SART1: variants seen among roughly 807,000 people sequenced by gnomAD.
SART1 encodes the protein U4/U6.U5 tri-snRNP-associated protein 1.
Under a neutral mutation model 105.0 loss-of-function variants are expected in SART1, and 28 were observed. The observed-to-expected ratio is 0.27, with a 90% confidence interval of 0.20 to 0.37. The LOEUF is 0.37. Among genes scored for constraint, SART1 ranks in the 10% least tolerant of loss-of-function variants. The probability of loss-of-function intolerance (pLI) is 1.00; values close to 1 mark genes in which losing one functional copy is unlikely to be tolerated. For missense variants in SART1, 894 were observed against 1,106.5 expected, an observed-to-expected ratio of 0.81 and a Z score of 2.72; for synonymous variants, 472 against 462.9, an observed-to-expected ratio of 1.02 and a Z score of -0.25.
At chr11:65,975,632 CG>C (rs1247281429) in intron 12 of SART1, among the ~76,000 whole-genome samples, 1 of 151,762 alleles carries the variant, frequency 6.6e-6, no homozygotes, top group African/African-American at 2.4e-5. Context: ...TCTCGATCTC[CG>C]GAACTCAAGC....
chr11:65,966,263 G>A (rs1460408340), intron 8 of SART1, 45 bp downstream of exon 8: 1 of 1,613,696 alleles, frequency 6.2e-7, no homozygotes, highest in Non-Finnish European at 8.5e-7. Flanking sequence ...GGTGGAGAAT[G>A]TCGGGAATGG....
Position 65,966,763 on chromosome 11 carries a change from G to A in SART1, c.1188+207G>A, listed in dbSNP as rs573265472. 4.4e-4 allele frequency among the ~76,000 whole-genome samples: 67 copies of A among 152,302 alleles called. No homozygotes were observed. In the Middle Eastern group the frequency reaches 0.014, roughly 31 times the overall value. ...AGCCAGATGGGCCCCAGTCTGTTTC[G>A]GCTCTGCCATGCTGCCAGCTCGTGC... On this transcript the variant is annotated intron_variant, in intron 9 of 19. Coordinates refer to ENST00000312397, the MANE Select transcript of SART1 (RefSeq NM_005146.5).
Position 65,979,036 on chromosome 11 carries a change from C to G in SART1, c.*6C>G. The G allele has an allele frequency of 6.2e-7, 1 of 1,614,124 alleles. No homozygotes were observed. ...GGAACACCATCACCAAGTGACAGCG[C>G]CCTCCCGCCCCGGCCCTGCCTCAAC... On this transcript the variant is annotated 3_prime_UTR_variant, in exon 20 of 20. Transcript: ENST00000312397.
At chr11:65,963,915 T>A in intron 1 of SART1, 159 bp from the exon 2 acceptor site, 1 of 639,928 alleles carries the variant, frequency 1.6e-6, no homozygotes, top group Non-Finnish European at 2.8e-6. Context: ...GCAGAGGAGC[T>A]GCTGGGGAGC....
Position 65,976,400 on chromosome 11 carries a change from G to T in SART1, c.1578G>T (p.Val526=). ...QQLRDSGEKV[V]EIVKKLESRQ... ...ACAGCCGCTCCCTCCCCCAGGTGGTGGAGATTGTGAAGAAGCTGGAGTCTC... is the reference window on the plus strand; with the variant it reads ...ACAGCCGCTCCCTCCCCCAGGTGGTTGAGATTGTGAAGAAGCTGGAGTCTC... Residue 526 remains valine, a synonymous_variant, in exon 13 of 20, where the codon GTG becomes GTT. Transcript: ENST00000312397. This position sits in a 1 kb window ranked among gnomAD's most constrained non-coding sequence, Gnocchi z 5.1. 6.5e-7 allele frequency: 1 copy of T among 1,544,146 alleles called. No homozygotes were observed. The highest frequency in any genetic ancestry group is 8.7e-7 in the Non-Finnish European group (1 of 1,149,220).
In SART1 at chr11:65,965,059, G is replaced by A. The variant is rs370201584; in HGVS notation, c.428-33G>A. 1,203 of 1,544,122 alleles carry A rather than the reference G, an allele frequency of 7.8e-4. 4 individuals carry two copies. The highest frequency in any genetic ancestry group is 1.4e-3 in the Admixed American group (63 of 45,380). On this transcript the variant is annotated intron_variant, in intron 3 of 19. Coordinates refer to ENST00000312397, the MANE Select transcript of SART1 (RefSeq NM_005146.5). The stretch of plus-strand genomic sequence containing the variant: ...CCTCCTCTCCCCACCAGCCATGGGC[G>A]GGCATAGCCTCACGTCTGGGCCCCC...
chr11:65,976,905 G>T lies in SART1; in HGVS notation c.1858-109G>T, dbSNP rs1228468632. The T allele has an allele frequency of 4.3e-6, 5 of 1,155,038 alleles. No individual in the cohort carries two copies. The Admixed American group carries it at 9.6e-5, about 22-fold the overall frequency. The allele number at this position is 1,155,038 out of a possible 1,614,324, so 71.5% of individuals were successfully genotyped here. ...TCCCAGGGCGATCTGAGGAGTAAAT[G>T]AGGAAATTAAATGTTGTGGAGGGCT... is the stretch of plus-strand genomic sequence containing the variant. On this transcript the variant is annotated intron_variant, in intron 14 of 19. Transcript: ENST00000312397. This position sits in a 1 kb window ranked among gnomAD's most constrained non-coding sequence, Gnocchi z 5.1.
Position 65,966,548 on chromosome 11 carries a change from G to A in SART1, c.1180G>A (p.Glu394Lys), listed in dbSNP as rs1350109178. The change falls in exon 9 of 20, where the codon GAG becomes AAG. Residue 394 changes from glutamate (E) to lysine (K), a missense_variant. Physicochemically the swap from Glu to Lys is moderately conservative, Grantham distance 56. Around this residue, in one of 2 missense-constraint regions of SART1, gnomAD observed 712 missense variants for 778.2 expected, o/e 0.91. Transcript: ENST00000312397. ...PRLASEYLTP[E>K]EMVTFKKTKR... The stretch of plus-strand genomic sequence containing the variant: ...GCTGGCCTCCGAATACCTCACGCCT[G>A]AGGAGATGGTGAGCCCTCCCGTGCC... 6.5e-7 allele frequency: 1 copy of A among 1,527,644 alleles called. No individual in the cohort carries two copies. The highest frequency in any genetic ancestry group is 2.3e-5 in the East Asian group (1 of 43,852). 94.6% of individuals were successfully genotyped at this position (1,527,644 alleles called of 1,614,324 possible).
rs1334837958 is a variant in SART1, at chr11:65,966,610, C to T, written c.1188+54C>T. On this transcript the variant is annotated intron_variant, in intron 9 of 19. Coordinates refer to ENST00000312397, the MANE Select transcript of SART1 (RefSeq NM_005146.5). ...GTCAAGATTCTCCCTCCCTCTGGGG[C>T]TCCTGCCCTGCCCGCAGGCACTGAG... is the stretch of plus-strand genomic sequence containing the variant. 3 of 1,431,510 alleles carry T rather than the reference C, an allele frequency of 2.1e-6. No individual in the cohort carries two copies. In the African/African-American group the frequency reaches 4.3e-5, roughly 21 times the overall value. 88.7% of individuals were successfully genotyped at this position (1,431,510 alleles called of 1,614,324 possible).
At position 65,965,196 on chromosome 11, in the gene SART1, C is replaced by T. The variant is rs751037056; in HGVS notation, c.532C>T (p.Arg178Cys). 1.2e-6 allele frequency: 2 copies of T among 1,607,096 alleles called. No homozygotes were observed. Among genetic ancestry groups the T allele is most frequent in the African/African-American group, 1.3e-5 (1 of 74,352 alleles). Reference protein sequence around the residue: ...REKLAAAKEKRLLNQKLGKIK... With the variant: ...REKLAAAKEKCLLNQKLGKIK... ...GAAGCTGGCGGCTGCCAAGGAGAAG[C>T]GCCTGCTGAACCAAAAGCTGGGGTG... Residue 178 changes from arginine (R) to cysteine (C), a missense_variant, in exon 4 of 20, where the codon CGC becomes TGC. By Grantham distance (180) the Arg-to-Cys change is radical (BLOSUM62 -3). This residue lies in a region of SART1 where 712 missense variants were observed against 778.2 expected (regional missense o/e 0.91). Coordinates refer to ENST00000312397, the MANE Select transcript of SART1 (RefSeq NM_005146.5).
chr11:65,972,445 C>T (rs754213674), intron 12 of SART1, among the ~76,000 whole-genome samples: 11 of 152,074 alleles, frequency 7.2e-5, no homozygotes, highest in Non-Finnish European at 1.2e-4. Flanking sequence ...CTTCACATTT[C>T]GGAATCAAAT....
In SART1 at chr11:65,966,339, T is replaced by C. The variant is rs1393392762; in HGVS notation, c.982-11T>C. The C allele has an allele frequency of 6.2e-7, 1 of 1,614,014 alleles. No homozygotes were observed. Among genetic ancestry groups the C allele is most frequent in the Non-Finnish European group, 8.5e-7 (1 of 1,180,020 alleles). On this transcript the variant is annotated splice_polypyrimidine_tract_variant and intron_variant, in intron 8 of 19. Transcript: ENST00000312397. ...CAGCCTGGGTCCCAACCTGTACCTC[T>C]TGCCTTGCAGCAAAAACCTCGCTCT...
chr11:65,974,655 G>T (rs1272709323), intron 12 of SART1, among the ~76,000 whole-genome samples: 3 of 152,116 alleles, frequency 2.0e-5, no homozygotes, highest in Non-Finnish European at 4.4e-5. Flanking sequence ...CTCCAGCATG[G>T]GTGATAGAGT....
chr11:65,978,843 G>A lies in SART1; in HGVS notation c.2313G>A (p.Leu771=). The change falls in exon 19 of 20, where the codon CTG becomes CTA. Residue 771 remains leucine (L), a synonymous_variant. Coordinates refer to ENST00000312397, the MANE Select transcript of SART1 (RefSeq NM_005146.5). The surrounding 1 kb of genome is among the most constrained non-coding windows in gnomAD (Gnocchi z 6.8). ...SSDTPLGTVA[L]LQEKQKAQKT... is the part of the protein sequence containing the mutation. ...ACACGCCCCTGGGCACCGTGGCCCTGCTCCAGGAGAAGCAGAAGGCTCAGA... is the reference window on the plus strand; with the variant it reads ...ACACGCCCCTGGGCACCGTGGCCCTACTCCAGGAGAAGCAGAAGGCTCAGA... 3.7e-6 allele frequency: 6 copies of A among 1,614,054 alleles called. No individual in the cohort carries two copies. Among genetic ancestry groups the A allele is most frequent in the Non-Finnish European group, 5.1e-6 (6 of 1,179,994 alleles).
chr11:65,967,750 A>G lies in SART1; in HGVS notation c.1501A>G (p.Lys501Glu), dbSNP rs913225904. 1.3e-6 allele frequency: 2 copies of G among 1,552,456 alleles called. No homozygotes were observed. The highest frequency in any genetic ancestry group is 1.4e-5 in the African/African-American group (1 of 73,310). Residue 501 changes from lysine to glutamate, a missense_variant, in exon 12 of 20, where the codon AAG becomes GAG. Around this residue, in one of 2 missense-constraint regions of SART1, gnomAD observed 712 missense variants for 778.2 expected, o/e 0.91. Transcript: ENST00000312397. Reference sequence around the variant, plus strand: ...GGACGAGGCGGAGCTGGAGCTGCAGAAGCAGCTGGAGAAGGGACGCCGGCT... The same window carrying G: ...GGACGAGGCGGAGCTGGAGCTGCAGGAGCAGCTGGAGAAGGGACGCCGGCT... The part of the protein sequence containing the change: ...EEDEAELELQ[K>E]QLEKGRRLRQ...
In SART1 at chr11:65,962,072, C is replaced by T. The variant is rs758958221; in HGVS notation, c.292C>T (p.Arg98Cys). ...CGAGCGGCGCGTGAAGCGGGAGAAG[C>T]GCGATGACGGCTACGAGGCCGGTGA... ...PSERRVKREK[R>C]DDGYEAAASS... Residue 98 changes from arginine (R) to cysteine (C), a missense_variant, in exon 1 of 20, where the codon CGC becomes TGC. By Grantham distance (180) the Arg-to-Cys change is radical. Transcript: ENST00000312397. The T allele has an allele frequency of 1.6e-6, 2 of 1,242,592 alleles. No individual in the cohort carries two copies. Among genetic ancestry groups the T allele is most frequent in the South Asian group, 2.6e-5 (2 of 75,592 alleles). The allele number at this position is 1,242,592 out of a possible 1,614,324, so 77.0% of individuals were successfully genotyped here.
intron 9 of SART1, among the ~76,000 whole-genome samples, chr11:65,966,798 AC>A (rs1855268617): frequency 6.6e-6 from 1 of 152,088 alleles, no homozygotes; most frequent in Non-Finnish European, 1.5e-5. Context: ...CCTTGGATAA[AC>A]CATTTAACTG....
Position 65,964,592 on chromosome 11 carries a change from G to T in SART1, c.427+22G>T, listed in dbSNP as rs374906330. 7 of 1,594,034 alleles carry T rather than the reference G, an allele frequency of 4.4e-6. No individual in the cohort carries two copies. In the African/African-American group the frequency reaches 6.8e-5, roughly 15 times the overall value. ...AAGGGTGAGTATGGGGCTGAGGATA[G>T]GGTTTGGGGGAAAGAGGCCATCTGA... On this transcript the variant is annotated intron_variant, in intron 3 of 19. Transcript: ENST00000312397.
At chr11:65,972,966 T>TG (rs1327287560) in intron 12 of SART1, among the ~76,000 whole-genome samples, 13 of 152,146 alleles carry the variant, frequency 8.5e-5, no homozygotes, top group Admixed American at 6.5e-4. Context: ...GGTCAGGAGA[T>TG]GAGACCATCC....
Sources: gnomAD v4.1 joint callset for allele counts (sites outside exome capture counted in the v4.1 genomes callset) on GRCh38, gnomAD v4.1.1 for gene constraint, gnomAD v4.1.1 regional missense constraint, Gnocchi (gnomAD v3.1) non-coding constraint, MANE v1.5 for transcripts, NCBI Gene and HGNC (gene_info 2026-07-23, HGNC 2026-07-21) for gene names.